SOCS6: variants seen among roughly 807,000 people sequenced by gnomAD.
SOCS6 encodes STAT induced STAT inhibitor-4.
SOCS6 carries 5 observed loss-of-function variants against 27.7 expected under a neutral mutation model. The observed-to-expected ratio is 0.18, with a 90% confidence interval of 0.09 to 0.38. The LOEUF (loss-of-function observed/expected upper bound fraction) is 0.38. Among genes scored for constraint, SOCS6 ranks in the 10% least tolerant of loss-of-function variants. The pLI, the probability that SOCS6 is intolerant of heterozygous loss-of-function variation, is 1.00. For missense variants in SOCS6, 595 were observed against 688.1 expected (o/e 0.86, Z 1.51); for synonymous variants, 271 against 260.0 (o/e 1.04, Z -0.41).
chr18:70,322,263 C>T (rs993543165), intron 1 of SOCS6, among the ~76,000 whole-genome samples: 3 of 152,010 alleles, frequency 2.0e-5, no homozygotes, highest in African/African-American at 7.2e-5. Flanking sequence ...GATGTGCAAA[C>T]AGAAAAACAG....
At chr18:70,313,908 A>G (rs1269120759) in intron 1 of SOCS6, among the ~76,000 whole-genome samples, 1 of 152,128 alleles carries the variant, frequency 6.6e-6, no homozygotes, top group Non-Finnish European at 1.5e-5. Context: ...CAATATTTTG[A>G]CAGGATTGGA....
At chr18:70,300,301 A>AT (rs41512550) in intron 1 of SOCS6, among the ~76,000 whole-genome samples, 171 of 151,936 alleles carry the variant, frequency 1.1e-3, no homozygotes, top group African/African-American at 4.0e-3. Flanking sequence ...TAGTTTTTGT[A>AT]TTTTTTTAGT....
intron 1 of SOCS6, among the ~76,000 whole-genome samples, chr18:70,292,462 C>A (rs958142538): frequency 2.0e-5 from 3 of 152,174 alleles, no homozygotes; most frequent in Non-Finnish European, 4.4e-5. Context: ...TGCCTCAGCA[C>A]CCCCTCCGCC....
At chr18:70,312,102 C>G (rs1016069581) in intron 1 of SOCS6, among the ~76,000 whole-genome samples, 4 of 152,152 alleles carry the variant, frequency 2.6e-5, no homozygotes, top group Non-Finnish European at 5.9e-5. Flanking sequence ...GCATTTAAAC[C>G]TCACAACTAG....
intron 1 of SOCS6, among the ~76,000 whole-genome samples, chr18:70,312,714 G>A (rs976591108): frequency 4.7e-5 from 7 of 150,496 alleles, no homozygotes; most frequent in Admixed American, 3.3e-4. Flanking sequence ...ATTCAGTTAC[G>A]TAAACACCAC....
intron 1 of SOCS6, among the ~76,000 whole-genome samples, chr18:70,319,604 T>C (rs912810859): frequency 1.1e-5 from 1 of 93,436 alleles, no homozygotes; most frequent in African/African-American, 4.4e-5. Flanking sequence ...ACCAAGCACT[T>C]CAGTAAAAAA....
At chr18:70,296,633 C>T (rs2062323921) in intron 1 of SOCS6, 1 of 152,178 alleles carries the variant, frequency 6.6e-6, no homozygotes, top group African/African-American at 2.4e-5. Context: ...CGTTGTCGTC[C>T]GGTTTTCAGT....
In SOCS6 at chr18:70,329,518, A is replaced by C. The variant is rs963667356; in HGVS notation, c.*3242A>C. The C allele has an allele frequency of 6.0e-6, 1 of 167,132 alleles. No homozygotes were observed. Among genetic ancestry groups the C allele is most frequent in the Non-Finnish European group, 1.5e-5 (1 of 68,120 alleles). The allele number at this position is 167,132 out of a possible 1,614,324, so 10.4% of individuals were successfully genotyped here. A position where few individuals can be genotyped will look rare whatever the true frequency, so the allele number is the denominator to read the frequency against. On this transcript the variant is annotated 3_prime_UTR_variant, in exon 2 of 2. Transcript: ENST00000397942. ...TTTCAGAAATGCCAGTTTTAATTACATTTCACATTGTATATGAGAGATACT... is the reference window on the plus strand; with the variant it reads ...TTTCAGAAATGCCAGTTTTAATTACCTTTCACATTGTATATGAGAGATACT...
At chr18:70,319,491 G>A (rs1032768593) in intron 1 of SOCS6, among the ~76,000 whole-genome samples, 1 of 151,366 alleles carries the variant, frequency 6.6e-6, no homozygotes, top group African/African-American at 2.4e-5. Context: ...GGTACAGAAA[G>A]CAATGATGGA....
intron 1 of SOCS6, among the ~76,000 whole-genome samples, chr18:70,298,617 G>A (rs913038491): frequency 2.0e-4 from 31 of 152,094 alleles, no homozygotes; most frequent in African/African-American, 7.5e-4. Flanking sequence ...AGTAAGTTGG[G>A]GTGCTGTCTT....
Position 70,325,770 on chromosome 18 carries a change from G to A in SOCS6, c.1102G>A (p.Val368Ile), listed in dbSNP as rs562654058. The A allele has an allele frequency of 3.7e-6, 6 of 1,614,214 alleles. No homozygotes were observed. In the African/African-American group the frequency reaches 8.0e-5, roughly 22 times the overall value. Reference protein sequence around the residue: ...YDSVQSSGPMVVTSLTEELKK... With the variant: ...YDSVQSSGPMIVTSLTEELKK... The stretch of plus-strand genomic sequence containing the variant: ...CTCAGTGCAAAGTAGTGGTCCCATG[G>A]TTGTGACAAGCCTTACAGAGGAGCT... Residue 368 changes from valine (V) to isoleucine (I), a missense_variant, in exon 2 of 2, where the codon GTT becomes ATT. By Grantham distance (29) the Val-to-Ile change is conservative (BLOSUM62 3). Coordinates refer to ENST00000397942, the MANE Select transcript of SOCS6 (RefSeq NM_004232.4). This position sits in a 1 kb window ranked among gnomAD's most constrained non-coding sequence, Gnocchi z 6.3.
chr18:70,311,137 A>G (rs1055547351), intron 1 of SOCS6, among the ~76,000 whole-genome samples: 1 of 152,164 alleles, frequency 6.6e-6, no homozygotes, highest in South Asian at 2.1e-4. Context: ...GCATTCTGAA[A>G]TATGTTTCTC....
rs1299796070 is a variant in SOCS6, at chr18:70,325,247, C to T, written c.579C>T (p.Ser193=). Residue 193 remains serine, a synonymous_variant, in exon 2 of 2, where the codon AGC becomes AGT. Coordinates refer to ENST00000397942, the MANE Select transcript of SOCS6 (RefSeq NM_004232.4). This position sits in a 1 kb window ranked among gnomAD's most constrained non-coding sequence, Gnocchi z 6.3. ...AGGAGCAAGCCAATTCACTGAAGAG[C>T]TCGGCTTCTCATAATGGAGACCTGC... The part of the protein sequence containing the change: ...TCQEQANSLK[S]SASHNGDLHL... The T allele has an allele frequency of 6.2e-7, 1 of 1,614,180 alleles. No individual in the cohort carries two copies. The highest frequency in any genetic ancestry group is 2.2e-5 in the East Asian group (1 of 44,886).
At chr18:70,304,982 G>C (rs538002253) in intron 1 of SOCS6, among the ~76,000 whole-genome samples, 1 of 152,220 alleles carries the variant, frequency 6.6e-6, no homozygotes, top group East Asian at 1.9e-4. Context: ...CGAGGTGGGC[G>C]GATCTGAAGG....
intron 1 of SOCS6, among the ~76,000 whole-genome samples, chr18:70,302,986 C>A (rs1173245026): frequency 6.6e-6 from 1 of 151,510 alleles, no homozygotes; most frequent in Non-Finnish European, 1.5e-5. Context: ...ATTTACTCAA[C>A]CATTTCCTTT....
At position 70,325,428 on chromosome 18, in the gene SOCS6, C is replaced by T; in HGVS notation, c.760C>T (p.Pro254Ser). 4 of 1,614,178 alleles carry T rather than the reference C, an allele frequency of 2.5e-6. No homozygotes were observed. The highest frequency in any genetic ancestry group is 3.4e-6 in the Non-Finnish European group (4 of 1,180,022). ...TTCTCCCATGGAAGTCTCTGCGGTT[C>T]CTCCTCAAGTGGGAGGGCGCGCTTT... ...SSSPMEVSAV[P>S]PQVGGRAFPE... Residue 254 changes from proline (P) to serine (S), a missense_variant, in exon 2 of 2, where the codon CCT becomes TCT. Around this residue, in one of 2 missense-constraint regions of SOCS6, gnomAD observed 467 missense variants for 481.1 expected, o/e 0.97. Coordinates refer to ENST00000397942, the MANE Select transcript of SOCS6 (RefSeq NM_004232.4). The surrounding 1 kb of genome is among the most constrained non-coding windows in gnomAD (Gnocchi z 6.3).
intron 1 of SOCS6, among the ~76,000 whole-genome samples, chr18:70,293,454 G>A (rs2062309125): frequency 6.6e-6 from 1 of 152,108 alleles, no homozygotes; most frequent in South Asian, 2.1e-4. Context: ...ACTTCTGGAA[G>A]TATAGTCATG....
At chr18:70,320,131 G>T (rs1434708647) in intron 1 of SOCS6, among the ~76,000 whole-genome samples, 4 of 152,030 alleles carry the variant, frequency 2.6e-5, no homozygotes, top group African/African-American at 7.2e-5. Flanking sequence ...TGGGATTATA[G>T]GTGTGAGCCA....
chr18:70,296,906 C>CTTTTTTTTTTTTTTTTT (rs375704179), intron 1 of SOCS6, among the ~76,000 whole-genome samples: 43 of 129,132 alleles, frequency 3.3e-4, no homozygotes, highest in Non-Finnish European at 5.5e-4. Flanking sequence ...CATTTTCTTT[C>CTTTTTTTTTTTTTTTTT]TTTTTTTTTT....
Sources: allele counts gnomAD v4.1 joint callset (sites outside exome capture counted in the v4.1 genomes callset), GRCh38; gene constraint gnomAD v4.1.1; regional missense constraint gnomAD v4.1.1; non-coding constraint Gnocchi (gnomAD v3.1); transcripts MANE v1.5; gene names NCBI Gene and HGNC (gene_info 2026-07-23, HGNC 2026-07-21).